ZSWIM6: variants seen among roughly 807,000 people sequenced by gnomAD.
ZSWIM6 encodes zinc finger SWIM domain-containing protein 6.
A neutral mutation model predicts 113.2 loss-of-function variants in ZSWIM6; 9 were observed. The ratio of observed to expected loss-of-function variants is 0.08; its 90% CI spans 0.05 to 0.14. ZSWIM6 has a LOEUF of 0.14. Ranked by LOEUF, ZSWIM6 falls within the 10% of genes least tolerant of loss-of-function variation. ZSWIM6 has a pLI of 1.00. For missense variants in ZSWIM6, 1,162 were observed against 1,552.2 expected (o/e 0.75, Z 4.22); for synonymous variants, 611 against 606.5 (o/e 1.01, Z -0.11).
chr5:61,475,158 A>G (rs1440646206), intron 2 of ZSWIM6, among the ~76,000 whole-genome samples: 6 of 152,240 alleles, frequency 3.9e-5, no homozygotes, highest in Non-Finnish European at 2.9e-5. Context: ...GTGGAAGCAG[A>G]GAACAGAATA....
At chr5:61,506,614 G>A (rs1002901331) in intron 4 of ZSWIM6, among the ~76,000 whole-genome samples, 4 of 152,006 alleles carry the variant, frequency 2.6e-5, no homozygotes, top group African/African-American at 9.7e-5. Context: ...AACATGGGAT[G>A]ACTGACATAT....
chr5:61,443,782 A>G (rs997798852), intron 1 of ZSWIM6, among the ~76,000 whole-genome samples: 1 of 152,160 alleles, frequency 6.6e-6, no homozygotes, highest in African/African-American at 2.4e-5. Flanking sequence ...CCTGCAGTTT[A>G]CTTGAAAAGT....
chr5:61,486,280 G>T (rs1009999484), intron 2 of ZSWIM6, among the ~76,000 whole-genome samples: 1 of 152,080 alleles, frequency 6.6e-6, no homozygotes, highest in Non-Finnish European at 1.5e-5. Context: ...CTGCATGGAT[G>T]TGATTTCATT....
chr5:61,381,664 T>G (rs1745489996), intron 1 of ZSWIM6, among the ~76,000 whole-genome samples: 2 of 152,226 alleles, frequency 1.3e-5, no homozygotes, highest in Admixed American at 6.5e-5. Flanking sequence ...ATATTACCTC[T>G]TTGATCATCA....
At chr5:61,440,615 A>C (rs948127283) in intron 1 of ZSWIM6, among the ~76,000 whole-genome samples, 2 of 152,228 alleles carry the variant, frequency 1.3e-5, no homozygotes, top group Non-Finnish European at 2.9e-5. Flanking sequence ...CCTTGCTTTT[A>C]AAAATACCTT....
intron 1 of ZSWIM6, among the ~76,000 whole-genome samples, chr5:61,339,395 A>G (rs777328605): frequency 1.3e-5 from 2 of 152,212 alleles, no homozygotes; most frequent in Non-Finnish European, 2.9e-5. Flanking sequence ...CCTGGGTGAC[A>G]GAGCGAGAAC....
chr5:61,399,759 A>T (rs1028269795), intron 1 of ZSWIM6, among the ~76,000 whole-genome samples: 1 of 152,214 alleles, frequency 6.6e-6, no homozygotes, highest in African/African-American at 2.4e-5. Flanking sequence ...ATGAACTTGT[A>T]AGAAGAAAAT....
intron 4 of ZSWIM6, among the ~76,000 whole-genome samples, chr5:61,514,889 C>T (rs1748888935): frequency 6.6e-6 from 1 of 152,058 alleles, no homozygotes; most frequent in Admixed American, 6.6e-5. Flanking sequence ...TGGCCTCATA[C>T]AGTGGGAACC....
intron 1 of ZSWIM6, among the ~76,000 whole-genome samples, chr5:61,403,006 A>G (rs1745970519): frequency 1.3e-5 from 2 of 152,378 alleles, no homozygotes; most frequent in African/African-American, 4.8e-5. Flanking sequence ...TGGTAAATGC[A>G]TGTATCTAAC....
chr5:61,382,468 C>T (rs1445362655), intron 1 of ZSWIM6, among the ~76,000 whole-genome samples: 4 of 152,060 alleles, frequency 2.6e-5, no homozygotes, highest in Non-Finnish European at 4.4e-5. Flanking sequence ...CTTCAGTTTT[C>T]CAAAATAACA....
At chr5:61,356,995 T>G (rs1373330674) in intron 1 of ZSWIM6, among the ~76,000 whole-genome samples, 5 of 151,794 alleles carry the variant, frequency 3.3e-5, no homozygotes, top group African/African-American at 1.2e-4. Context: ...TTTTGTAGTA[T>G]TTTTCAAAAT....
intron 4 of ZSWIM6, among the ~76,000 whole-genome samples, chr5:61,500,963 A>G (rs1233619153): frequency 6.6e-6 from 1 of 151,986 alleles, no homozygotes; most frequent in African/African-American, 2.4e-5. Flanking sequence ...TTCCTGACAT[A>G]AGCTGTCCTG....
At chr5:61,521,466 T>TTAAA (rs1224507743) in intron 5 of ZSWIM6, 24 bp downstream of exon 5, 10 of 1,412,300 alleles carry the variant, frequency 7.1e-6, no homozygotes, top group Non-Finnish European at 9.3e-6. Context: ...AATGTTCTGC[T>TTAAA]TAAATTGTAG....
chr5:61,397,153 G>C (rs1332238114), intron 1 of ZSWIM6, among the ~76,000 whole-genome samples: 1 of 152,084 alleles, frequency 6.6e-6, no homozygotes, highest in African/African-American at 2.4e-5. Flanking sequence ...TTTGGACATT[G>C]GTTTAGACTC....
At chr5:61,355,355 A>G (rs899403684) in intron 1 of ZSWIM6, among the ~76,000 whole-genome samples, 1 of 151,970 alleles carries the variant, frequency 6.6e-6, no homozygotes, top group African/African-American at 2.4e-5. Context: ...AGAAAAATAA[A>G]TAGCAGTGAT....
rs1457069676 is a variant in ZSWIM6 at position 61,479,786 on chromosome 5, C to A, written c.1033+6749C>A. ...TGTAAAATGTGGACAATGAAGAGTG[C>A]CCATTTCATAAGGTCAGGATGGTCA... On this transcript the variant is annotated intron_variant, in intron 2 of 13. Coordinates refer to ENST00000252744, the MANE Select transcript of ZSWIM6 (RefSeq NM_020928.2). 1.1e-4 allele frequency among the ~76,000 whole-genome samples: 17 copies of A among 152,082 alleles called. 1 individual carries two copies. Among genetic ancestry groups the A allele is most frequent in the Non-Finnish European group, 2.9e-5 (2 of 68,026 alleles).
chr5:61,375,058 AGT>A, intron 1 of ZSWIM6: 2 of 1,506,580 alleles, frequency 1.3e-6, no homozygotes, highest in East Asian at 4.5e-5. Flanking sequence ...TTAAAGGGTA[AGT>A]CTCTCCGGCC....
intron 2 of ZSWIM6, among the ~76,000 whole-genome samples, chr5:61,488,658 CTG>C (rs760009239): frequency 9.9e-5 from 15 of 151,996 alleles, no homozygotes; most frequent in African/African-American, 3.4e-4. Flanking sequence ...TTTAATGTCT[CTG>C]TTTTCATTTC....
intron 1 of ZSWIM6, among the ~76,000 whole-genome samples, chr5:61,338,489 G>A (rs1004485895): frequency 1.3e-5 from 2 of 152,080 alleles, no homozygotes; most frequent in African/African-American, 4.8e-5. Flanking sequence ...TCTTTTGTGT[G>A]AGTTGAGATG....
Sources: gnomAD v4.1 joint callset for allele counts (sites outside exome capture counted in the v4.1 genomes callset) on GRCh38, gnomAD v4.1.1 for gene constraint, MANE v1.5 for transcripts, NCBI Gene and HGNC (gene_info 2026-07-23, HGNC 2026-07-21) for gene names.